The following CCT4 variants were observed in gnomAD, a reference collection of about 807,000 sequenced individuals.
CCT4 encodes the protein T-complex protein 1 subunit delta.
CCT4 carries 17 observed loss-of-function variants against 62.5 expected under a neutral mutation model. That is an observed-to-expected ratio of 0.27 (90% CI 0.19 to 0.41). CCT4 has a LOEUF of 0.41. Ranked by LOEUF, CCT4 falls within the 10% of genes least tolerant of loss-of-function variation. The pLI, the probability that CCT4 is intolerant of heterozygous loss-of-function variation, is 1.00. For missense variants in CCT4, 592 were observed against 659.2 expected (o/e 0.90, Z 1.12); for synonymous variants, 250 against 229.9 (o/e 1.09, Z -0.79).
chr2:61,888,090 C>A (rs1345931251), intron 1 of CCT4: 2 of 343,032 alleles, frequency 5.8e-6, no homozygotes, highest in African/African-American at 4.2e-5. Flanking sequence ...GCATGCAATC[C>A]TCGGCATTTT....
upstream of CCT4, chr2:61,888,657 G>A (rs1045939725): frequency 7.6e-6 from 7 of 915,050 alleles, no homozygotes; most frequent in Middle Eastern, 3.5e-4. Flanking sequence ...GGCGGAGAAG[G>A]GGGCCTTCCT....
intron 8 of CCT4, among the ~76,000 whole-genome samples, chr2:61,874,126 G>C (rs919716437): frequency 6.6e-6 from 1 of 152,152 alleles, no homozygotes; most frequent in South Asian, 2.1e-4. Flanking sequence ...ACAACTCTGT[G>C]ATACTAGAAA....
intron 12 of CCT4, among the ~76,000 whole-genome samples, chr2:61,871,054 C>T (rs547468470): frequency 1.0e-4 from 14 of 140,000 alleles, no homozygotes; most frequent in Admixed American, 5.1e-4. Context: ...TTTTTTGAGA[C>T]GGAGTCTCGC....
At chr2:61,884,317 G>A (rs939249995) in intron 2 of CCT4, among the ~76,000 whole-genome samples, 6 of 150,902 alleles carry the variant, frequency 4.0e-5, no homozygotes, top group Non-Finnish European at 5.9e-5. Context: ...CTTTTTTTTT[G>A]GTTTGAGATG....
chr2:61,875,648 C>T (rs1044288142), intron 8 of CCT4, among the ~76,000 whole-genome samples: 4 of 151,550 alleles, frequency 2.6e-5, no homozygotes, highest in East Asian at 1.9e-4. Flanking sequence ...CTAAAAACTG[C>T]ATGCTTTCTT....
chr2:61,886,565 C>T (rs949902462), intron 1 of CCT4, among the ~76,000 whole-genome samples: 6 of 152,160 alleles, frequency 3.9e-5, no homozygotes, highest in Non-Finnish European at 5.9e-5. Flanking sequence ...CCAAGGCAGG[C>T]CGTCACTTGA....
chr2:61,876,663 A>G (rs1669008271), intron 7 of CCT4, among the ~76,000 whole-genome samples: 1 of 152,046 alleles, frequency 6.6e-6, no homozygotes, highest in Admixed American at 6.6e-5. Context: ...GGTTCAAGCA[A>G]TTTTTCTGCT....
At chr2:61,870,073 C>T (rs1489810186) in intron 12 of CCT4, among the ~76,000 whole-genome samples, 1 of 150,582 alleles carries the variant, frequency 6.6e-6, no homozygotes, top group Non-Finnish European at 1.5e-5. Flanking sequence ...GTCAGGAGAT[C>T]GAGACCATCC....
rs75720105 is a variant in CCT4 at position 61,876,319 on chromosome 2, G to A, written c.778-85C>T. On this transcript the variant is annotated intron_variant, in intron 7 of 13. Transcript: ENST00000394440. ...ATTTTAAGCGAAAATACTATGTGTT[G>A]TATAAATTCAACCAAAACTATATCA... 3.8e-3 allele frequency: 3,850 copies of A among 1,019,590 alleles called. 80 individuals carry two copies. The African/African-American group carries it at 0.052, about 14-fold the overall frequency. The allele number at this position is 1,019,590 out of a possible 1,614,324, so 63.2% of individuals were successfully genotyped here.
At chr2:61,875,228 C>T (rs964636316) in intron 8 of CCT4, among the ~76,000 whole-genome samples, 1 of 143,874 alleles carries the variant, frequency 7.0e-6, no homozygotes, top group African/African-American at 2.5e-5. Flanking sequence ...AATGATACTG[C>T]TAAAAAAAAA....
chr2:61,873,786 G>C (rs977651011), intron 8 of CCT4, among the ~76,000 whole-genome samples: 5 of 152,060 alleles, frequency 3.3e-5, no homozygotes, highest in African/African-American at 1.2e-4. Context: ...CGCTGGTCTC[G>C]AACTCCTGAC....
At chr2:61,881,723 T>A (rs1238582452) in intron 3 of CCT4, among the ~76,000 whole-genome samples, 1 of 152,118 alleles carries the variant, frequency 6.6e-6, no homozygotes, top group Non-Finnish European at 1.5e-5. Context: ...TTCATTAGTG[T>A]TTTTCCTCAT....
Position 61,880,309 on chromosome 2 carries a change from G to T in CCT4, c.356C>A (p.Ser119Tyr), listed in dbSNP as rs866975437. Residue 119 changes from serine to tyrosine, a missense_variant, in exon 4 of 14, where the codon TCT becomes TAT. By Grantham distance (144) the Ser-to-Tyr change is moderately radical (BLOSUM62 -2). Around this residue, in one of 3 missense-constraint regions of CCT4, gnomAD observed 522 missense variants for 571.2 expected, o/e 0.91. Coordinates refer to ENST00000394440, the MANE Select transcript of CCT4 (RefSeq NM_006430.4). The stretch of plus-strand genomic sequence containing the variant: ...ACCTTTCTGAAGAAGCTTGGTACAA[G>T]AATCTAAGAGGGAGCCAGCAATGAT... ...VVIIAGSLLD[S>Y]CTKLLQKGIH... The T allele has an allele frequency of 1.9e-6, 3 of 1,591,966 alleles. No individual in the cohort carries two copies. Among genetic ancestry groups the T allele is most frequent in the Non-Finnish European group, 2.6e-6 (3 of 1,169,298 alleles).
At chr2:61,876,573 C>T (rs1000014408) in intron 7 of CCT4, among the ~76,000 whole-genome samples, 5 of 152,144 alleles carry the variant, frequency 3.3e-5, no homozygotes, top group South Asian at 4.1e-4. Flanking sequence ...GATGGGGTCC[C>T]ACTATGTTGC....
At chr2:61,888,203 G>C in intron 1 of CCT4, 178 bp downstream of exon 1, 1 of 725,664 alleles carries the variant, frequency 1.4e-6, no homozygotes, top group Non-Finnish European at 2.2e-6. Flanking sequence ...CCATACTCCG[G>C]GTTGGCGATC....
At chr2:61,882,003 G>C (rs187956576) in intron 3 of CCT4, among the ~76,000 whole-genome samples, 1 of 150,412 alleles carries the variant, frequency 6.6e-6, no homozygotes. Flanking sequence ...GGGCAATCTC[G>C]GCTCACTGCA....
In CCT4 at chr2:61,880,828, C is replaced by G. The variant is rs190944144; in HGVS notation, c.271-434G>C. 2.3e-4 allele frequency among the ~76,000 whole-genome samples: 35 copies of G among 152,268 alleles called. No individual in the cohort carries two copies. The East Asian group carries it at 6.4e-3, about 28-fold the overall frequency. ...TCAAGAGATCCTCCTGTCTCAGTCTCCCGAGTAGCTGGGGCTATAGGTGCA... is the reference window on the plus strand; with the variant it reads ...TCAAGAGATCCTCCTGTCTCAGTCTGCCGAGTAGCTGGGGCTATAGGTGCA... On this transcript the variant is annotated intron_variant, in intron 3 of 13. Coordinates refer to ENST00000394440, the MANE Select transcript of CCT4 (RefSeq NM_006430.4).
intron 1 of CCT4, among the ~76,000 whole-genome samples, chr2:61,886,935 T>G (rs1669267064): frequency 6.6e-6 from 1 of 152,104 alleles, no homozygotes; most frequent in African/African-American, 2.4e-5. Flanking sequence ...AATTTTGTAT[T>G]TTTAGTAGAG....
At chr2:61,869,674 AAT>A in intron 12 of CCT4, 121 bp from the exon 13 acceptor site, 1 of 648,786 alleles carries the variant, frequency 1.5e-6, no homozygotes, top group Non-Finnish European at 2.8e-6. Flanking sequence ...AGAAGATTAG[AAT>A]ATGATACTCT....
Sources: gnomAD v4.1 joint callset for allele counts (sites outside exome capture counted in the v4.1 genomes callset) on GRCh38, gnomAD v4.1.1 for gene constraint, gnomAD v4.1.1 regional missense constraint, MANE v1.5 for transcripts, NCBI Gene and HGNC (gene_info 2026-07-23, HGNC 2026-07-21) for gene names.